Variants in CATSPER3 observed in about 807,000 individuals in gnomAD.
The protein encoded by CATSPER3 is cation channel sperm-associated protein 3.
CATSPER3 carries 23 observed loss-of-function variants against 36.6 expected under a neutral mutation model. That is an observed-to-expected ratio of 0.63 (90% CI 0.45 to 0.89). CATSPER3 has a LOEUF of 0.89. Among genes scored for constraint, CATSPER3 ranks in the 40% least tolerant of loss-of-function variants. The probability of loss-of-function intolerance (pLI) is 0.00; values close to 1 mark genes in which losing one functional copy is unlikely to be tolerated. For synonymous variants in CATSPER3, 172 were observed against 184.1 expected (o/e 0.93, Z 0.53); for missense variants, 474 against 503.9 (o/e 0.94, Z 0.57).
At chr5:134,970,305 G>A (rs1751587341) in intron 2 of CATSPER3, among the ~76,000 whole-genome samples, 1 of 151,970 alleles carries the variant, frequency 6.6e-6, no homozygotes, top group Admixed American at 6.6e-5. Context: ...GGGATTATAG[G>A]CACCCGCCAC....
intron 3 of CATSPER3, among the ~76,000 whole-genome samples, chr5:135,006,604 AG>A (rs1580915487): frequency 6.6e-6 from 1 of 152,258 alleles, no homozygotes; most frequent in East Asian, 1.9e-4. Context: ...TGGGAGGCCA[AG>A]GTGGGTGGAT....
intron 3 of CATSPER3, 81 bp downstream of exon 3, chr5:134,996,593 C>G: frequency 1.4e-6 from 2 of 1,416,608 alleles, no homozygotes; most frequent in Admixed American, 1.7e-5. Context: ...GAAATAATGA[C>G]TCTACTACCA....
At chr5:134,996,050 G>T (rs1420260906) in intron 2 of CATSPER3, among the ~76,000 whole-genome samples, 1 of 152,208 alleles carries the variant, frequency 6.6e-6, no homozygotes, top group Non-Finnish European at 1.5e-5. Flanking sequence ...AGTACCCAGG[G>T]TCAGACCCAG....
At chr5:134,981,032 CTT>C (rs1471290643) in intron 2 of CATSPER3, among the ~76,000 whole-genome samples, 3 of 152,166 alleles carry the variant, frequency 2.0e-5, no homozygotes, top group Non-Finnish European at 2.9e-5. Context: ...CTCTCTCTCT[CTT>C]GCTCTCTTTT....
chr5:135,003,925 C>T (rs527593475), intron 3 of CATSPER3, among the ~76,000 whole-genome samples: 2 of 152,326 alleles, frequency 1.3e-5, no homozygotes, highest in East Asian at 3.9e-4. Context: ...CCTCGCCCTG[C>T]TTCGGCTCTC....
At chr5:134,997,774 C>T (rs966727673) in intron 3 of CATSPER3, among the ~76,000 whole-genome samples, 1 of 152,170 alleles carries the variant, frequency 6.6e-6, no homozygotes. Context: ...CTGCCTACCC[C>T]TCTCTCTTTG....
intron 2 of CATSPER3, among the ~76,000 whole-genome samples, chr5:134,989,183 T>C (rs1317115760): frequency 6.6e-6 from 1 of 152,228 alleles, no homozygotes; most frequent in African/African-American, 2.4e-5. Flanking sequence ...GGCTTTGTTA[T>C]TCCATTTCTA....
Position 135,009,448 on chromosome 5 carries a change from GC to G in CATSPER3, c.895del (p.Gln299SerfsTer10). 6.2e-7 allele frequency: 1 copy of G among 1,613,256 alleles called. No individual in the cohort carries two copies. Among genetic ancestry groups the G allele is most frequent in the Non-Finnish European group, 8.5e-7 (1 of 1,179,514 alleles). ...MLMGEKQVIL[Q>X]RQQEEISRLM... ...TCATGGGAGAGAAGCAGGTGATTCT[GC>G]AGCGGCAGCAGGAGGAGATCAGCAG... On this transcript the variant is annotated frameshift_variant, in exon 6 of 8. Coordinates refer to ENST00000282611, the MANE Select transcript of CATSPER3 (RefSeq NM_178019.3). LOFTEE classifies it high-confidence loss of function.
Position 134,990,219 on chromosome 5 carries a change from C to T in CATSPER3, c.253-6054C>T, listed in dbSNP as rs145496088. Among the ~76,000 whole-genome samples the T allele has an allele frequency of 2.0e-4, 30 of 152,232 alleles. No homozygotes were observed. The East Asian group carries it at 4.6e-3, about 23-fold the overall frequency. On this transcript the variant is annotated intron_variant, in intron 2 of 7. Coordinates refer to ENST00000282611, the MANE Select transcript of CATSPER3 (RefSeq NM_178019.3). ...GTGACACAGCCTCAGGAGGTCCTGA[C>T]GACTTGTGCCCAAGGTGGTCAGAAC...
At chr5:134,976,445 T>C (rs1225581243) in intron 2 of CATSPER3, among the ~76,000 whole-genome samples, 1 of 147,292 alleles carries the variant, frequency 6.8e-6, no homozygotes, top group Non-Finnish European at 1.5e-5. Context: ...AGGGGTGGGC[T>C]CCCGGGGCCT....
At chr5:135,006,695 G>A (rs1409616533) in intron 3 of CATSPER3, among the ~76,000 whole-genome samples, 3 of 151,884 alleles carry the variant, frequency 2.0e-5, no homozygotes, top group East Asian at 1.9e-4. Context: ...AAAATTAGCC[G>A]GGCGCAGTGG....
At chr5:134,974,979 G>C (rs1213700686) in intron 2 of CATSPER3, among the ~76,000 whole-genome samples, 4 of 152,088 alleles carry the variant, frequency 2.6e-5, no homozygotes, top group Non-Finnish European at 5.9e-5. Context: ...CAAGCCTAGG[G>C]GATGTTCTGT....
chr5:134,970,201 G>T, intron 2 of CATSPER3, 109 bp downstream of exon 2: 1 of 1,106,942 alleles, frequency 9.0e-7, no homozygotes, highest in South Asian at 1.3e-5. Context: ...ACTCTGTCAG[G>T]CTGGAGTGCA....
intron 3 of CATSPER3, among the ~76,000 whole-genome samples, chr5:134,997,007 T>C (rs1419655718): frequency 1.3e-5 from 2 of 152,262 alleles, no homozygotes; most frequent in Admixed American, 1.3e-4. Flanking sequence ...GAAGTCTTTC[T>C]GGGTTGCTGA....
chr5:134,996,500 C>G lies in CATSPER3; in HGVS notation c.480C>G (p.Ser160Arg). ...SLRILKLIGY[S>R]QGIRTLITAV... is the part of the protein sequence containing the mutation. ...GCATCCTCAAGCTTATCGGCTATAG[C>G]CAGGGCATCCGGGTGAGTGCACTGG... The change falls in exon 3 of 8, where the codon AGC becomes AGG. Residue 160 changes from serine to arginine, a missense_variant. Coordinates refer to ENST00000282611, the MANE Select transcript of CATSPER3 (RefSeq NM_178019.3). 6.2e-7 allele frequency: 1 copy of G among 1,614,116 alleles called. No individual in the cohort carries two copies. The highest frequency in any genetic ancestry group is 8.5e-7 in the Non-Finnish European group (1 of 1,180,014).
At chr5:134,968,408 A>G in intron 1 of CATSPER3, 1 of 346,204 alleles carries the variant, frequency 2.9e-6, no homozygotes, top group Non-Finnish European at 5.6e-6. Flanking sequence ...AAGTATATAC[A>G]TTCTGGCTGG....
At chr5:134,972,105 T>G (rs1253858094) in intron 2 of CATSPER3, among the ~76,000 whole-genome samples, 1 of 152,334 alleles carries the variant, frequency 6.6e-6, no homozygotes, top group East Asian at 1.9e-4. Flanking sequence ...TTATACAGGC[T>G]GAGCATCCCG....
intron 2 of CATSPER3, 126 bp downstream of exon 2, chr5:134,970,218 T>C: frequency 2.2e-6 from 2 of 894,820 alleles, no homozygotes; most frequent in Non-Finnish European, 3.6e-6. Context: ...TGCAGTGGCG[T>C]GATCTCAGCT....
rs118126630 is a variant in CATSPER3 at position 134,988,160 on chromosome 5, A to G, written c.253-8113A>G. ...ATAGCATTAGATCTTAAAAAAGTAT[A>G]TACTTTAATTTAAAAATACTTTATT... On this transcript the variant is annotated intron_variant, in intron 2 of 7. Transcript: ENST00000282611. Among the ~76,000 whole-genome samples the G allele has an allele frequency of 3.4e-3, 511 of 152,340 alleles. 7 individuals carry two copies. In the East Asian group the frequency reaches 0.037, roughly 11 times the overall value.
Sources: allele counts gnomAD v4.1 joint callset (sites outside exome capture counted in the v4.1 genomes callset), GRCh38; gene constraint gnomAD v4.1.1; transcripts MANE v1.5; gene names NCBI Gene and HGNC (gene_info 2026-07-23, HGNC 2026-07-21).